Variants in CLRN1 observed in about 807,000 individuals in gnomAD.
CLRN1 encodes clarin 1.
In CLRN1, 15 loss-of-function variants were observed where a neutral mutation model predicts 18.7. That is an observed-to-expected ratio of 0.80 (90% CI 0.54 to 1.23). The LOEUF is 1.23. Ranked by LOEUF, CLRN1 falls within the 50% of genes most tolerant of loss-of-function variation. The pLI is 0.00. For synonymous variants in CLRN1, 104 were observed against 102.9 expected (o/e 1.01, Z -0.07); for missense variants, 311 against 277.5 (o/e 1.12, Z -0.86).
chr3:150,959,628 CAAAAAAAAAA>C (rs202231765), intron 1 of CLRN1, among the ~76,000 whole-genome samples: 5 of 87,652 alleles, frequency 5.7e-5, no homozygotes, highest in Admixed American at 1.2e-4. Flanking sequence ...GACTTTGTCT[CAAAAAAAAAA>C]AAAAAAAAGG....
At chr3:150,950,857 G>T (rs2107966942) in intron 1 of CLRN1, among the ~76,000 whole-genome samples, 1 of 152,286 alleles carries the variant, frequency 6.6e-6, no homozygotes, top group East Asian at 1.9e-4. Flanking sequence ...GTTCGTTGCA[G>T]CACTATTCAC....
intron 1 of CLRN1, among the ~76,000 whole-genome samples, chr3:150,961,131 AC>A (rs1196649712): frequency 6.6e-6 from 1 of 151,318 alleles, no homozygotes; most frequent in Non-Finnish European, 1.5e-5. Flanking sequence ...TGATCAGAAA[AC>A]CCCCCAACTG....
intron 1 of CLRN1, among the ~76,000 whole-genome samples, chr3:150,949,726 C>A (rs1287029941): frequency 6.6e-6 from 1 of 152,156 alleles, no homozygotes; most frequent in Non-Finnish European, 1.5e-5. Context: ...ACATCCCATG[C>A]TCATGGATAG....
At chr3:150,933,454 G>C (rs1416685425) in intron 2 of CLRN1, among the ~76,000 whole-genome samples, 2 of 152,104 alleles carry the variant, frequency 1.3e-5, no homozygotes, top group African/African-American at 4.8e-5. Flanking sequence ...AAGTGAGGGA[G>C]TGAGAAGGTA....
chr3:150,954,012 G>A (rs1020184647), intron 1 of CLRN1, among the ~76,000 whole-genome samples: 1 of 152,164 alleles, frequency 6.6e-6, no homozygotes, highest in African/African-American at 2.4e-5. Flanking sequence ...AATTAGCAGA[G>A]CATAAAAATA....
At chr3:150,937,898 G>T (rs1713588023) in intron 2 of CLRN1, among the ~76,000 whole-genome samples, 1 of 152,126 alleles carries the variant, frequency 6.6e-6, no homozygotes, top group African/African-American at 2.4e-5. Context: ...CACATCGGGA[G>T]ACATAAGGAG....
intron 1 of CLRN1, among the ~76,000 whole-genome samples, chr3:150,945,870 G>A (rs1225592604): frequency 6.6e-6 from 1 of 152,130 alleles, no homozygotes; most frequent in East Asian, 1.9e-4. Flanking sequence ...AATCTATAAA[G>A]CATTAAAATG....
chr3:150,943,967 C>A, intron 1 of CLRN1: 1 of 1,515,606 alleles, frequency 6.6e-7, no homozygotes, highest in Non-Finnish European at 9.1e-7. Context: ...TGTTGGGAGT[C>A]CCATGAAGGG....
chr3:150,954,433 T>C (rs1470450365), intron 1 of CLRN1, among the ~76,000 whole-genome samples: 1 of 152,256 alleles, frequency 6.6e-6, no homozygotes, highest in Non-Finnish European at 1.5e-5. Flanking sequence ...TCATTTTCGA[T>C]GATGTGTTTG....
chr3:150,965,139 G>T, intron 1 of CLRN1, among the ~76,000 whole-genome samples: 2 of 151,964 alleles, frequency 1.3e-5, no homozygotes, highest in Admixed American at 1.3e-4. Flanking sequence ...ATTCTAAGGG[G>T]GCAAAATGTA....
intron 2 of CLRN1, among the ~76,000 whole-genome samples, chr3:150,929,838 G>T (rs1000599138): frequency 1.3e-5 from 2 of 152,170 alleles, no homozygotes; most frequent in African/African-American, 2.4e-5. Flanking sequence ...CAACACAAAA[G>T]AATGTATTAC....
At chr3:150,951,074 T>C (rs560538107) in intron 1 of CLRN1, among the ~76,000 whole-genome samples, 1 of 152,252 alleles carries the variant, frequency 6.6e-6, no homozygotes. Context: ...TTCTCACTTA[T>C]ACGTGGGAGC....
chr3:150,952,404 T>C (rs1027701116), intron 1 of CLRN1, among the ~76,000 whole-genome samples: 11 of 152,164 alleles, frequency 7.2e-5, no homozygotes, highest in African/African-American at 2.7e-4. Flanking sequence ...GGCTCAGCTG[T>C]AGGCAATGTG....
chr3:150,947,223 C>A (rs977571405), intron 1 of CLRN1, among the ~76,000 whole-genome samples: 49 of 151,316 alleles, frequency 3.2e-4, no homozygotes, highest in African/African-American at 1.1e-3. Context: ...ATCTACCAAG[C>A]AAACAGAAAA....
chr3:150,956,121 A>G (rs1441692470), intron 1 of CLRN1, among the ~76,000 whole-genome samples: 2 of 152,118 alleles, frequency 1.3e-5, no homozygotes, highest in African/African-American at 4.8e-5. Context: ...TTCGTCTTCT[A>G]TTGGTTCAGT....
At chr3:150,934,775 T>C (rs980842971) in intron 2 of CLRN1, among the ~76,000 whole-genome samples, 2 of 152,194 alleles carry the variant, frequency 1.3e-5, no homozygotes, top group African/African-American at 4.8e-5. Context: ...CCCTCTTTTT[T>C]GGTTCTCTCT....
chr3:150,951,525 A>G (rs986001908), intron 1 of CLRN1, among the ~76,000 whole-genome samples: 1 of 152,072 alleles, frequency 6.6e-6, no homozygotes. Context: ...TTCAGTAGAG[A>G]TGGGGTTTCA....
At chr3:150,955,644 A>G (rs1714700781) in intron 1 of CLRN1, among the ~76,000 whole-genome samples, 1 of 152,206 alleles carries the variant, frequency 6.6e-6, no homozygotes, top group African/African-American at 2.4e-5. Context: ...GTTACATGGA[A>G]ACTGACTCCT....
At chr3:150,957,865 G>A (rs934638623) in intron 1 of CLRN1, among the ~76,000 whole-genome samples, 3 of 151,970 alleles carry the variant, frequency 2.0e-5, no homozygotes, top group Non-Finnish European at 2.9e-5. Context: ...CACCATGTTG[G>A]CCAGGCTGGT....
Sources: allele counts gnomAD v4.1 joint callset (sites outside exome capture counted in the v4.1 genomes callset), GRCh38; gene constraint gnomAD v4.1.1; transcripts MANE v1.5; gene names NCBI Gene and HGNC (gene_info 2026-07-23, HGNC 2026-07-21).